The following MAPRE1 variants were observed in gnomAD, a reference collection of about 807,000 sequenced individuals.
MAPRE1 encodes the protein microtubule associated protein RP/EB family member 1.
A neutral mutation model predicts 32.1 loss-of-function variants in MAPRE1; 5 were observed. That is an observed-to-expected ratio of 0.16 (90% CI 0.08 to 0.33). MAPRE1 has a LOEUF of 0.33. MAPRE1 is among the 10% of genes least tolerant of loss of function. The pLI, the probability that MAPRE1 is intolerant of heterozygous loss-of-function variation, is 1.00. For synonymous variants in MAPRE1, 122 were observed against 118.9 expected (o/e 1.03, Z -0.17); for missense variants, 209 against 327.2 (o/e 0.64, Z 2.79).
intron 2 of MAPRE1, among the ~76,000 whole-genome samples, chr20:32,828,360 C>G (rs1467840735): frequency 3.3e-5 from 5 of 152,146 alleles, no homozygotes; most frequent in Admixed American, 1.3e-4. Context: ...TAAAATTTAC[C>G]TTTTTCTGTA....
At chr20:32,837,350 A>T (rs1983230071) in intron 4 of MAPRE1, among the ~76,000 whole-genome samples, 1 of 152,120 alleles carries the variant, frequency 6.6e-6, no homozygotes, top group African/African-American at 2.4e-5. Flanking sequence ...CAGCTTCCCT[A>T]CCTGCCCTAG....
At chr20:32,836,582 A>T (rs1741015433) in intron 3 of MAPRE1, 52 bp from the exon 4 acceptor site, 1 of 1,069,472 alleles carries the variant, frequency 9.4e-7, no homozygotes. Context: ...GACTAGTTTG[A>T]TGCTTGCCAA....
chr20:32,846,728 C>G lies in MAPRE1; in HGVS notation c.708C>G (p.Asp236Glu). 6.2e-7 allele frequency: 1 copy of G among 1,614,158 alleles called. No homozygotes were observed. The highest frequency in any genetic ancestry group is 8.5e-7 in the Non-Finnish European group (1 of 1,180,016). The change falls in exon 6 of 7, where the codon GAC becomes GAG. Residue 236 changes from aspartate (D) to glutamate (E), a missense_variant. This residue lies in a region of MAPRE1 where 36 missense variants were observed against 71.9 expected (regional missense o/e 0.50). Coordinates refer to ENST00000375571, the MANE Select transcript of MAPRE1 (RefSeq NM_012325.3). ...LICQENEGEN[D>E]PVLQRIVDIL... ...GCCAGGAGAACGAGGGGGAAAACGA[C>G]CCTGTATTGCAGAGGATTGTAGACA... is the stretch of plus-strand genomic sequence containing the variant.
intron 2 of MAPRE1, among the ~76,000 whole-genome samples, chr20:32,831,107 G>T (rs532005823): frequency 6.6e-6 from 1 of 152,066 alleles, no homozygotes; most frequent in African/African-American, 2.4e-5. Flanking sequence ...ACAGAAGATA[G>T]GAAGCTCATT....
chr20:32,847,402 A>G (rs2146142348), intron 6 of MAPRE1, among the ~76,000 whole-genome samples: 1 of 152,344 alleles, frequency 6.6e-6, no homozygotes, highest in East Asian at 1.9e-4. Context: ...TTTAATGGTG[A>G]TGTTTGTAAT....
chr20:32,834,423 G>A (rs113628483), intron 3 of MAPRE1, among the ~76,000 whole-genome samples: 5 of 152,188 alleles, frequency 3.3e-5, no homozygotes, highest in African/African-American at 7.2e-5. Context: ...GCATGGTTTA[G>A]CACAAACATT....
rs368718070 is a variant in MAPRE1, at chr20:32,848,756, A to C, written c.*28A>C. 20 of 1,587,092 alleles carry C rather than the reference A, an allele frequency of 1.3e-5. No homozygotes were observed. The African/African-American group carries it at 2.2e-4, about 17-fold the overall frequency. ...GCCTGGACCAGCAGAGCAACATCGG[A>C]ATTCTTCACTCCAAATCATGTGCTT... On this transcript the variant is annotated 3_prime_UTR_variant, in exon 7 of 7. Coordinates refer to ENST00000375571, the MANE Select transcript of MAPRE1 (RefSeq NM_012325.3).
chr20:32,846,773 A>C lies in MAPRE1; in HGVS notation c.750+3A>C. On this transcript the variant is annotated splice_donor_region_variant and intron_variant, in intron 6 of 6. Transcript: ENST00000375571. ...TAGACATTCTGTATGCCACAGATGT[A>C]TGTGTTTGACATGAGGATATTTTCT... 6.2e-7 allele frequency: 1 copy of C among 1,614,022 alleles called. No homozygotes were observed. The highest frequency in any genetic ancestry group is 8.5e-7 in the Non-Finnish European group (1 of 1,179,886).
At chr20:32,829,112 C>T (rs537853685) in intron 2 of MAPRE1, among the ~76,000 whole-genome samples, 229 of 152,134 alleles carry the variant, frequency 1.5e-3, no homozygotes, top group Middle Eastern at 3.4e-3. Flanking sequence ...CGGGGTTTCA[C>T]CGTGGTGGTC....
At chr20:32,841,137 C>A (rs575224315) in intron 5 of MAPRE1, among the ~76,000 whole-genome samples, 46 of 152,160 alleles carry the variant, frequency 3.0e-4, no homozygotes, top group Non-Finnish European at 6.2e-4. Flanking sequence ...TTCGTTCTTT[C>A]ATTTGTGTGT....
intron 6 of MAPRE1, among the ~76,000 whole-genome samples, chr20:32,847,188 T>C (rs964252721): frequency 2.0e-5 from 3 of 152,214 alleles, no homozygotes; most frequent in African/African-American, 7.2e-5. Flanking sequence ...TGCCCACATA[T>C]CACGTCATGT....
chr20:32,835,365 T>TTTTTTTTTTTG (rs1491311805), intron 3 of MAPRE1, among the ~76,000 whole-genome samples: 1 of 31,812 alleles, frequency 3.1e-5, no homozygotes, highest in East Asian at 6.1e-3. Context: ...TTTATTGGTG[T>TTTTTTTTTTTG]TTTTTTTTTT....
chr20:32,846,827 C>T, intron 6 of MAPRE1, 57 bp downstream of exon 6: 1 of 1,557,548 alleles, frequency 6.4e-7, no homozygotes, highest in Non-Finnish European at 8.8e-7. Context: ...GGTTGGTGAA[C>T]TCTGTGCTGA....
At chr20:32,839,889 C>T (rs776904738) in intron 5 of MAPRE1, 33 bp downstream of exon 5, 1 of 1,612,670 alleles carries the variant, frequency 6.2e-7, no homozygotes, top group South Asian at 1.1e-5. Flanking sequence ...CGTGAGTCAC[C>T]TCGGGGGATA....
chr20:32,846,214 C>G (rs965736234), intron 5 of MAPRE1, among the ~76,000 whole-genome samples: 1 of 152,176 alleles, frequency 6.6e-6, no homozygotes, highest in African/African-American at 2.4e-5. Flanking sequence ...CCATTGAGCC[C>G]TTTCCAGGGT....
rs756503037 is a variant in MAPRE1, at chr20:32,848,681, G to A, written c.760G>A (p.Val254Met). The A allele has an allele frequency of 7.4e-6, 12 of 1,613,090 alleles. No homozygotes were observed. In the South Asian group the frequency reaches 1.3e-4, roughly 18 times the overall value. The stretch of plus-strand genomic sequence containing the variant: ...CATTTTCCTATTTCAGGAAGGCTTT[G>A]TGATACCTGATGAAGGGGGCCCACA... Reference protein sequence around the residue: ...DILYATDEGFVIPDEGGPQEE... With the variant: ...DILYATDEGFMIPDEGGPQEE... Residue 254 changes from valine (V) to methionine (M), a missense_variant, in exon 7 of 7, where the codon GTG (valine) becomes ATG (methionine). Physicochemically the swap from Val to Met is conservative, Grantham distance 21. Coordinates refer to ENST00000375571, the MANE Select transcript of MAPRE1 (RefSeq NM_012325.3).
rs139629388 is a variant in MAPRE1 at position 32,841,691 on chromosome 20, C to T, written c.597+1835C>T. Reference sequence around the variant, plus strand: ...TCCATGTGTTCTCATCCGCTCAGCTCTTATCCTGGGTGATGGAGCCCAGGC... The same window carrying T: ...TCCATGTGTTCTCATCCGCTCAGCTTTTATCCTGGGTGATGGAGCCCAGGC... On this transcript the variant is annotated intron_variant, in intron 5 of 6. Transcript: ENST00000375571. 2.3e-3 allele frequency among the ~76,000 whole-genome samples: 349 copies of T among 148,790 alleles called. 5 individuals carry two copies. In the South Asian group the frequency reaches 0.032, roughly 14 times the overall value.
chr20:32,824,269 G>T (rs182041316), intron 1 of MAPRE1, among the ~76,000 whole-genome samples: 2 of 152,326 alleles, frequency 1.3e-5, no homozygotes, highest in South Asian at 4.1e-4. Flanking sequence ...AATGAGTGAC[G>T]GTTGACTACA....
At chr20:32,839,372 C>T (rs1601168848) in intron 4 of MAPRE1, among the ~76,000 whole-genome samples, 3 of 152,282 alleles carry the variant, frequency 2.0e-5, no homozygotes, top group South Asian at 4.1e-4. Flanking sequence ...CATGAAACAA[C>T]CTGTTTGTGG....
Sources: allele counts gnomAD v4.1 joint callset (sites outside exome capture counted in the v4.1 genomes callset), GRCh38; gene constraint gnomAD v4.1.1; regional missense constraint gnomAD v4.1.1; transcripts MANE v1.5; gene names NCBI Gene and HGNC (gene_info 2026-07-23, HGNC 2026-07-21).